The following CADPS variants were observed in gnomAD, a reference collection of about 807,000 sequenced individuals.
CADPS encodes the protein calcium dependent secretion activator, also known as calcium-dependent secretion activator 1.
In CADPS, 57 loss-of-function variants were observed where a neutral mutation model predicts 167.3. That is an observed-to-expected ratio of 0.34 (90% CI 0.28 to 0.42). The LOEUF (loss-of-function observed/expected upper bound fraction) is 0.42. Among genes scored for constraint, CADPS ranks in the 20% least tolerant of loss-of-function variants. The pLI is 1.00. For synonymous variants in CADPS, 676 were observed against 635.3 expected (o/e 1.06, Z -0.96); for missense variants, 1,414 against 1,738.1 (o/e 0.81, Z 3.32).
chr3:62,802,089 T>C (rs2093802448), intron 1 of CADPS, among the ~76,000 whole-genome samples: 1 of 152,140 alleles, frequency 6.6e-6, no homozygotes, highest in Non-Finnish European at 1.5e-5. Context: ...AAAAGTCTGT[T>C]CTGTGTAAGC....
rs541172368 is a variant in CADPS at position 62,502,849 on chromosome 3, G to T, written c.2600-3581C>A. On this transcript the variant is annotated intron_variant, in intron 17 of 29. Coordinates refer to ENST00000383710, the MANE Select transcript of CADPS (RefSeq NM_003716.4). ...AGGATGTGGCAGGGGAGCTGCTTGGGTAGGTGAAGAGAGACAGTAAAAAAG... is the reference window on the plus strand; with the variant it reads ...AGGATGTGGCAGGGGAGCTGCTTGGTTAGGTGAAGAGAGACAGTAAAAAAG... 2.2e-3 allele frequency among the ~76,000 whole-genome samples: 328 copies of T among 152,200 alleles called. 4 individuals are homozygous for T. Among genetic ancestry groups the T allele is most frequent in the African/African-American group, 7.4e-3 (309 of 41,520 alleles).
chr3:62,672,233 A>T (rs1022159391), intron 3 of CADPS, among the ~76,000 whole-genome samples: 4 of 152,142 alleles, frequency 2.6e-5, no homozygotes. Flanking sequence ...GACAGTTTTG[A>T]TTCAGCAGGC....
At chr3:62,495,984 C>G (rs1218111939) in intron 18 of CADPS, among the ~76,000 whole-genome samples, 1 of 151,940 alleles carries the variant, frequency 6.6e-6, no homozygotes, top group African/African-American at 2.4e-5. Flanking sequence ...GCCTACTAGT[C>G]ACTTTGATTT....
Position 62,874,947 on chromosome 3 carries a change from G to C in CADPS, c.83C>G (p.Pro28Arg). ...ESGKEVLGSAPSGARLSPSRT... is the reference protein window; with the variant it reads ...ESGKEVLGSARSGARLSPSRT... Reference sequence around the variant, plus strand: ...GCTGGGAGACAGGCGCGCGCCGGACGGGGCCGAGCCGAGCACCTCCTTGCC... The same window carrying C: ...GCTGGGAGACAGGCGCGCGCCGGACCGGGCCGAGCCGAGCACCTCCTTGCC... The change falls in exon 1 of 30, where the codon CCG becomes CGG. Residue 28 changes from proline to arginine, a missense_variant. Coordinates refer to ENST00000383710, the MANE Select transcript of CADPS (RefSeq NM_003716.4). The surrounding 1 kb of genome is among the most constrained non-coding windows in gnomAD (Gnocchi z 7.1). 4.5e-6 allele frequency: 7 copies of C among 1,545,806 alleles called. No homozygotes were observed. The highest frequency in any genetic ancestry group is 6.1e-6 in the Non-Finnish European group (7 of 1,149,520).
chr3:62,674,965 T>C (rs2076126089), intron 3 of CADPS, among the ~76,000 whole-genome samples: 1 of 152,190 alleles, frequency 6.6e-6, no homozygotes, highest in Non-Finnish European at 1.5e-5. Flanking sequence ...AAAGGAAAAT[T>C]AATTAGGATA....
At chr3:62,557,011 A>G (rs1448664736) in intron 10 of CADPS, among the ~76,000 whole-genome samples, 1 of 147,202 alleles carries the variant, frequency 6.8e-6, no homozygotes, top group Non-Finnish European at 1.5e-5. Context: ...ACACACACAC[A>G]CACACACACA....
intron 3 of CADPS, among the ~76,000 whole-genome samples, chr3:62,692,286 C>T (rs1232246185): frequency 1.2e-5 from 1 of 82,272 alleles, no homozygotes; most frequent in Non-Finnish European, 2.4e-5. Flanking sequence ...AACCCCACTT[C>T]CAAGGTAATT....
intron 1 of CADPS, among the ~76,000 whole-genome samples, chr3:62,870,584 C>A (rs2082455590): frequency 6.6e-6 from 1 of 152,080 alleles, no homozygotes. Context: ...ACTTACAAGA[C>A]ATTTGTCCTC....
Position 62,743,592 on chromosome 3 carries a change from A to T in CADPS, c.888+9849T>A, listed in dbSNP as rs997137366. 3.3e-5 allele frequency among the ~76,000 whole-genome samples: 5 copies of T among 152,318 alleles called. No homozygotes were observed. The East Asian group carries it at 9.6e-4, about 29-fold the overall frequency. ...CTTTTCAGGTCATCCAATTGGCCAG[A>T]TCACACAAAAGCATGACAAGATAAG... On this transcript the variant is annotated intron_variant, in intron 3 of 29. Coordinates refer to ENST00000383710, the MANE Select transcript of CADPS (RefSeq NM_003716.4).
intron 1 of CADPS, among the ~76,000 whole-genome samples, chr3:62,861,403 C>G (rs570180145): frequency 2.6e-5 from 4 of 152,136 alleles, no homozygotes; most frequent in Non-Finnish European, 5.9e-5. Context: ...TAAAGTTACT[C>G]TAATAAAATG....
At chr3:62,571,296 C>G (rs1487727882) in intron 8 of CADPS, among the ~76,000 whole-genome samples, 1 of 152,152 alleles carries the variant, frequency 6.6e-6, no homozygotes, top group African/African-American at 2.4e-5. Flanking sequence ...TCTCACAACT[C>G]TTTTGCATCT....
chr3:62,744,018 T>G (rs2080897497), intron 3 of CADPS, among the ~76,000 whole-genome samples: 1 of 152,196 alleles, frequency 6.6e-6, no homozygotes, highest in Non-Finnish European at 1.5e-5. Flanking sequence ...TTTGAAGTCT[T>G]GAAATGTTGA....
At chr3:62,790,832 G>T (rs1488421672) in intron 1 of CADPS, among the ~76,000 whole-genome samples, 1 of 152,008 alleles carries the variant, frequency 6.6e-6, no homozygotes, top group African/African-American at 2.4e-5. Context: ...TGATTCAAAG[G>T]GACCAGAGAG....
At position 62,478,056 on chromosome 3, in the gene CADPS, A is replaced by G. The variant is rs1576573559; in HGVS notation, c.3329+205T>C. On this transcript the variant is annotated intron_variant, in intron 23 of 29. Transcript: ENST00000383710. This position sits in a 1 kb window ranked among gnomAD's most constrained non-coding sequence, Gnocchi z 5.7. ...AACAACCATGAAAAAATTGGCAGCCAGATTATTTTGGGTTTGGGACAGATG... is the reference window on the plus strand; with the variant it reads ...AACAACCATGAAAAAATTGGCAGCCGGATTATTTTGGGTTTGGGACAGATG... 7.5e-6 allele frequency: 4 copies of G among 534,126 alleles called. No homozygotes were observed. The East Asian group carries it at 1.2e-4, about 16-fold the overall frequency. The allele number at this position is 534,126 out of a possible 1,614,324, so 33.1% of individuals were successfully genotyped here.
chr3:62,409,879 C>T (rs775333290), intron 28 of CADPS, among the ~76,000 whole-genome samples: 20 of 152,164 alleles, frequency 1.3e-4, no homozygotes, highest in Non-Finnish European at 2.5e-4. Context: ...TTAAAGATGT[C>T]ATCAGGAAGC....
chr3:62,559,879 C>T (rs1207147123), intron 9 of CADPS, among the ~76,000 whole-genome samples: 1 of 151,722 alleles, frequency 6.6e-6, no homozygotes, highest in Non-Finnish European at 1.5e-5. Flanking sequence ...CAGAGAGTTG[C>T]CGACACTCAC....
chr3:62,636,865 C>G (rs962920734), intron 6 of CADPS, among the ~76,000 whole-genome samples: 2 of 152,146 alleles, frequency 1.3e-5, no homozygotes, highest in South Asian at 2.1e-4. Flanking sequence ...GCAGTCCACC[C>G]TCAGAATATG....
intron 9 of CADPS, among the ~76,000 whole-genome samples, chr3:62,559,219 T>C (rs759456272): frequency 1.3e-5 from 2 of 152,224 alleles, no homozygotes; most frequent in East Asian, 3.9e-4. Context: ...TATAAATTCA[T>C]TGAAGACAGG....
chr3:62,630,877 T>C (rs2065142083), intron 6 of CADPS, among the ~76,000 whole-genome samples: 1 of 152,190 alleles, frequency 6.6e-6, no homozygotes, highest in Admixed American at 6.6e-5. Context: ...TCAGTCACCC[T>C]GACAACCAAG....
Sources: allele counts gnomAD v4.1 joint callset (sites outside exome capture counted in the v4.1 genomes callset), GRCh38; gene constraint gnomAD v4.1.1; non-coding constraint Gnocchi (gnomAD v3.1); transcripts MANE v1.5; gene names NCBI Gene and HGNC (gene_info 2026-07-23, HGNC 2026-07-21).